GALNTL6: variants seen among roughly 807,000 people sequenced by gnomAD.
GALNTL6 encodes the protein polypeptide N-acetylgalactosaminyltransferase like 6.
A neutral mutation model predicts 73.7 loss-of-function variants in GALNTL6; 46 were observed. The observed-to-expected ratio is 0.62, with a 90% CI of 0.49 to 0.80. GALNTL6 has a LOEUF of 0.80. GALNTL6 is among the 30% of genes least tolerant of loss of function. The probability of loss-of-function intolerance (pLI) is 0.00; values close to 1 mark genes in which losing one functional copy is unlikely to be tolerated. For missense variants in GALNTL6, 604 were observed against 755.0 expected (o/e 0.80, Z 2.34); for synonymous variants, 259 against 263.7 (o/e 0.98, Z 0.17).
Position 173,040,201 on chromosome 4 carries a change from G to A in GALNTL6, c.*101G>A. 1.1e-6 allele frequency: 1 copy of A among 885,616 alleles called. No homozygotes were observed. The highest frequency in any genetic ancestry group is 2.0e-5 in the South Asian group (1 of 50,386). The allele number at this position is 885,616 out of a possible 1,614,324, so 54.9% of individuals were successfully genotyped here. ...CAGGAATAACATTTCCTCGATCCAGGAAGGCTGGTTTAAAAATTTGCAAAT... is the reference window on the plus strand; with the variant it reads ...CAGGAATAACATTTCCTCGATCCAGAAAGGCTGGTTTAAAAATTTGCAAAT... On this transcript the variant is annotated 3_prime_UTR_variant, in exon 13 of 13. Transcript: ENST00000506823.
At chr4:172,981,670 G>A (rs559222554) in intron 10 of GALNTL6, among the ~76,000 whole-genome samples, 1 of 151,804 alleles carries the variant, frequency 6.6e-6, no homozygotes, top group Non-Finnish European at 1.5e-5. Context: ...AGATTGTTTT[G>A]GCTATTTTGG....
intron 2 of GALNTL6, among the ~76,000 whole-genome samples, chr4:172,046,001 T>C (rs1456817866): frequency 6.6e-6 from 1 of 152,064 alleles, no homozygotes; most frequent in African/African-American, 2.4e-5. Flanking sequence ...TGCAATACCA[T>C]CCATGTCTTG....
intron 2 of GALNTL6, among the ~76,000 whole-genome samples, chr4:171,899,366 C>T (rs1257305952): frequency 6.6e-6 from 1 of 151,974 alleles, no homozygotes; most frequent in Non-Finnish European, 1.5e-5. Context: ...AGAGTTTATT[C>T]TATATTGGTG....
chr4:171,944,632 C>T (rs1738647416), intron 2 of GALNTL6, among the ~76,000 whole-genome samples: 1 of 151,892 alleles, frequency 6.6e-6, no homozygotes, highest in Non-Finnish European at 1.5e-5. Context: ...AAAATACATT[C>T]ATTTCTAATC....
At chr4:172,595,929 A>C (rs922556380) in intron 5 of GALNTL6, among the ~76,000 whole-genome samples, 1 of 152,162 alleles carries the variant, frequency 6.6e-6, no homozygotes, top group Non-Finnish European at 1.5e-5. Context: ...GTACAGTTGC[A>C]GATCAAATAA....
intron 8 of GALNTL6, among the ~76,000 whole-genome samples, chr4:172,918,704 C>T (rs1201419847): frequency 6.6e-6 from 1 of 152,090 alleles, no homozygotes; most frequent in Admixed American, 6.5e-5. Flanking sequence ...TTCTTGAGTA[C>T]CTATAATGTG....
chr4:172,071,983 G>A (rs1031353795), intron 2 of GALNTL6, among the ~76,000 whole-genome samples: 1 of 152,104 alleles, frequency 6.6e-6, no homozygotes, highest in African/African-American at 2.4e-5. Flanking sequence ...GTTTGTGCTT[G>A]GCTTCCAAGA....
chr4:171,995,171 AT>A (rs1204070839), intron 2 of GALNTL6, among the ~76,000 whole-genome samples: 2 of 151,984 alleles, frequency 1.3e-5, no homozygotes, highest in Non-Finnish European at 2.9e-5. Flanking sequence ...TTTATGAGAC[AT>A]TTTGTTCATA....
chr4:172,645,527 A>G (rs1051183453), intron 5 of GALNTL6, among the ~76,000 whole-genome samples: 24 of 151,888 alleles, frequency 1.6e-4, no homozygotes, highest in African/African-American at 1.5e-4. Context: ...TTGGACCCCA[A>G]TCAGTTCCAG....
chr4:172,610,591 A>T (rs998370332), intron 5 of GALNTL6, among the ~76,000 whole-genome samples: 1 of 151,806 alleles, frequency 6.6e-6, no homozygotes, highest in Non-Finnish European at 1.5e-5. Flanking sequence ...AACTGTTGGG[A>T]ATTGCTTTAT....
At chr4:172,828,835 G>A (rs1408565454) in intron 7 of GALNTL6, among the ~76,000 whole-genome samples, 4 of 152,160 alleles carry the variant, frequency 2.6e-5, no homozygotes, top group Non-Finnish European at 5.9e-5. Context: ...AAAAAAGATG[G>A]AACCAAAATC....
At chr4:172,876,408 ACATTTG>A (rs552418927) in intron 7 of GALNTL6, among the ~76,000 whole-genome samples, 2 of 152,294 alleles carry the variant, frequency 1.3e-5, no homozygotes, top group Non-Finnish European at 2.9e-5. Flanking sequence ...TCTTTTCTAA[ACATTTG>A]CATTTGCATT....
chr4:172,147,485 A>G (rs1213991962), intron 2 of GALNTL6, among the ~76,000 whole-genome samples: 1 of 152,228 alleles, frequency 6.6e-6, no homozygotes, highest in African/African-American at 2.4e-5. Context: ...CTGAAAGCAT[A>G]TGTGAAGTAC....
chr4:172,403,515 G>A (rs994842935), intron 5 of GALNTL6, among the ~76,000 whole-genome samples: 1 of 151,904 alleles, frequency 6.6e-6, no homozygotes, highest in African/African-American at 2.4e-5. Context: ...CAAGGAAATA[G>A]AAGTCTTTTT....
In GALNTL6 at chr4:172,494,682, A is replaced by G. The variant is rs79162195; in HGVS notation, c.553+145993A>G. ...CAAGAGCTCCTGACAAACCACTGGCATAAGTCCAAGAGAGCAAAAGCTGAA... is the reference window on the plus strand; with the variant it reads ...CAAGAGCTCCTGACAAACCACTGGCGTAAGTCCAAGAGAGCAAAAGCTGAA... On this transcript the variant is annotated intron_variant, in intron 5 of 12. Transcript: ENST00000506823. Among the ~76,000 whole-genome samples the G allele has an allele frequency of 4.3e-3, 653 of 152,324 alleles. 4 individuals are homozygous for G. The highest frequency in any genetic ancestry group is 0.014 in the African/African-American group (598 of 41,586).
intron 3 of GALNTL6, among the ~76,000 whole-genome samples, chr4:172,253,246 G>A (rs1031755440): frequency 1.3e-5 from 2 of 151,916 alleles, no homozygotes; most frequent in Non-Finnish European, 1.5e-5. Context: ...AAATCAATGT[G>A]GGGTAGTGTG....
intron 5 of GALNTL6, among the ~76,000 whole-genome samples, chr4:172,362,810 CCT>C (rs1561046162): frequency 6.6e-6 from 1 of 152,152 alleles, no homozygotes; most frequent in African/African-American, 2.4e-5. Flanking sequence ...TCTTATGATT[CCT>C]CTTTCTTCCT....
chr4:172,266,039 T>C (rs907186020), intron 3 of GALNTL6: 5 of 152,152 alleles, frequency 3.3e-5, no homozygotes, highest in Non-Finnish European at 5.9e-5. Flanking sequence ...AAAAACTGCG[T>C]ACTGCTCCAC....
intron 5 of GALNTL6, among the ~76,000 whole-genome samples, chr4:172,719,693 G>A (rs1737916693): frequency 6.6e-6 from 1 of 152,016 alleles, no homozygotes; most frequent in Non-Finnish European, 1.5e-5. Flanking sequence ...ACCAGGAAGA[G>A]GTCTGGATCC....
Sources: allele counts gnomAD v4.1 joint callset (sites outside exome capture counted in the v4.1 genomes callset), GRCh38; gene constraint gnomAD v4.1.1; transcripts MANE v1.5; gene names NCBI Gene and HGNC (gene_info 2026-07-23, HGNC 2026-07-21).